The following LRRC8B variants were observed in gnomAD, a reference collection of about 807,000 sequenced individuals.
LRRC8B encodes volume-regulated anion channel subunit LRRC8B.
In LRRC8B, 23 loss-of-function variants were observed where a neutral mutation model predicts 58.8. The observed-to-expected ratio is 0.39, with a 90% CI of 0.28 to 0.55. LRRC8B has a LOEUF of 0.55. Among genes scored for constraint, LRRC8B ranks in the 20% least tolerant of loss-of-function variants. The pLI, the probability that LRRC8B is intolerant of heterozygous loss-of-function variation, is 0.62. For synonymous variants in LRRC8B, 359 were observed against 374.1 expected, an observed-to-expected ratio of 0.96 and a Z score of 0.47; for missense variants, 694 against 936.0, an observed-to-expected ratio of 0.74 and a Z score of 3.37.
At chr1:89,546,108 C>T (rs1174105413) in intron 1 of LRRC8B, among the ~76,000 whole-genome samples, 1 of 151,772 alleles carries the variant, frequency 6.6e-6, no homozygotes, top group Non-Finnish European at 1.5e-5. Flanking sequence ...GTTTTTTGAA[C>T]AATAGGTTAG....
intron 3 of LRRC8B, among the ~76,000 whole-genome samples, chr1:89,577,383 C>G (rs893296969): frequency 3.3e-5 from 5 of 152,080 alleles, no homozygotes; most frequent in African/African-American, 4.8e-5. Context: ...TTTGAAAAAG[C>G]TTTTATGACT....
At chr1:89,541,976 T>C (rs1483465137) in intron 1 of LRRC8B, among the ~76,000 whole-genome samples, 2 of 152,150 alleles carry the variant, frequency 1.3e-5, no homozygotes, top group Non-Finnish European at 2.9e-5. Context: ...ATTATATTAT[T>C]TAAATGACTA....
At chr1:89,553,124 A>T (rs1023670791) in intron 1 of LRRC8B, among the ~76,000 whole-genome samples, 10 of 152,222 alleles carry the variant, frequency 6.6e-5, no homozygotes, top group Non-Finnish European at 1.3e-4. Context: ...TAGTTCATGT[A>T]GTAATTTTTA....
At chr1:89,553,343 A>G (rs1651952871) in intron 1 of LRRC8B, among the ~76,000 whole-genome samples, 1 of 152,214 alleles carries the variant, frequency 6.6e-6, no homozygotes, top group Non-Finnish European at 1.5e-5. Flanking sequence ...GTTTGATTGC[A>G]TGGTGAGTGT....
At chr1:89,543,519 G>A (rs1486368320) in intron 1 of LRRC8B, among the ~76,000 whole-genome samples, 1 of 149,688 alleles carries the variant, frequency 6.7e-6, no homozygotes, top group African/African-American at 2.5e-5. Context: ...TTTTTAAGTT[G>A]GAGTCTTGCT....
chr1:89,564,630 T>C (rs1245329885), intron 1 of LRRC8B, among the ~76,000 whole-genome samples: 1 of 152,212 alleles, frequency 6.6e-6, no homozygotes. Context: ...CAGATAATTA[T>C]TGAGACTGTT....
At chr1:89,538,388 C>T (rs1460573040) in intron 1 of LRRC8B, among the ~76,000 whole-genome samples, 1 of 152,122 alleles carries the variant, frequency 6.6e-6, no homozygotes, top group Admixed American at 6.5e-5. Flanking sequence ...AAGGTCTGAA[C>T]CAGTAGACAG....
chr1:89,539,232 G>A (rs1650768976), intron 1 of LRRC8B, among the ~76,000 whole-genome samples: 1 of 152,058 alleles, frequency 6.6e-6, no homozygotes, highest in Non-Finnish European at 1.5e-5. Context: ...CCTAATCAGT[G>A]AAAGGCCCTT....
At position 89,583,893 on chromosome 1, in the gene LRRC8B, G is replaced by T. The variant is rs1654427211; in HGVS notation, c.1243G>T (p.Val415Leu). The T allele has an allele frequency of 6.2e-7, 1 of 1,614,074 alleles. No homozygotes were observed. Among genetic ancestry groups the T allele is most frequent in the South Asian group, 1.1e-5 (1 of 91,090 alleles). Residue 415 changes from valine (V) to leucine (L), a missense_variant, in exon 5 of 6, where the codon GTG (valine) becomes TTG (leucine). Physicochemically the swap from Val to Leu is conservative, Grantham distance 32. Transcript: ENST00000330947. The surrounding 1 kb of genome is among the most constrained non-coding windows in gnomAD (Gnocchi z 5.2). Reference sequence around the variant, plus strand: ...AGTTGAGAAACTGAAAAGTAAGCTTGTGAAAAATGCCCAGGACAAGATAGA... The same window carrying T: ...AGTTGAGAAACTGAAAAGTAAGCTTTTGAAAAATGCCCAGGACAAGATAGA... The part of the protein sequence containing the change: ...WTVEKLKSKL[V>L]KNAQDKIELH...
At chr1:89,581,726 A>C (rs1052763029) in intron 4 of LRRC8B, among the ~76,000 whole-genome samples, 4 of 152,210 alleles carry the variant, frequency 2.6e-5, no homozygotes, top group African/African-American at 9.6e-5. Flanking sequence ...TGCCATCACA[A>C]CATTAAACAT....
At chr1:89,570,220 C>A (rs1653354377) in intron 3 of LRRC8B, among the ~76,000 whole-genome samples, 1 of 152,014 alleles carries the variant, frequency 6.6e-6, no homozygotes, top group Non-Finnish European at 1.5e-5. Flanking sequence ...GATTTATATG[C>A]CTTTGGGTAT....
intron 3 of LRRC8B, among the ~76,000 whole-genome samples, chr1:89,575,141 G>A (rs1455007857): frequency 1.3e-5 from 2 of 152,174 alleles, no homozygotes; most frequent in Non-Finnish European, 2.9e-5. Context: ...TGGCCAGAGA[G>A]TAGACTGTGG....
At chr1:89,538,717 TTTTG>T (rs56350075) in intron 1 of LRRC8B, among the ~76,000 whole-genome samples, 7 of 151,806 alleles carry the variant, frequency 4.6e-5, no homozygotes, top group Admixed American at 6.6e-5. Context: ...CGAGGTTTTT[TTTTG>T]TTTGTTTGTT....
chr1:89,549,752 A>G (rs1055396679), intron 1 of LRRC8B, among the ~76,000 whole-genome samples: 1 of 152,208 alleles, frequency 6.6e-6, no homozygotes, highest in Non-Finnish European at 1.5e-5. Flanking sequence ...GGAAGGTATT[A>G]AATGAGTTCT....
intron 1 of LRRC8B, among the ~76,000 whole-genome samples, chr1:89,563,684 A>G (rs1652845780): frequency 6.6e-6 from 1 of 152,162 alleles, no homozygotes. Context: ...AGTTACTACT[A>G]TGTTAATAAA....
At chr1:89,559,627 T>C (rs200648643) in intron 1 of LRRC8B, among the ~76,000 whole-genome samples, 70 of 137,316 alleles carry the variant, frequency 5.1e-4, no homozygotes, top group East Asian at 2.4e-3. Flanking sequence ...TATATATATA[T>C]ATACACACAC....
At chr1:89,589,771 A>G (rs1364651955) in intron 5 of LRRC8B, among the ~76,000 whole-genome samples, 1 of 150,742 alleles carries the variant, frequency 6.6e-6, no homozygotes, top group African/African-American at 2.5e-5. Context: ...GTGGCCAGAA[A>G]AAAAAAAAAA....
intron 1 of LRRC8B, among the ~76,000 whole-genome samples, chr1:89,554,579 A>T (rs1652044948): frequency 6.6e-6 from 1 of 152,156 alleles, no homozygotes; most frequent in African/African-American, 2.4e-5. Context: ...ATGATTGTCG[A>T]GTACACCTAG....
At chr1:89,561,953 G>A (rs1184684074) in intron 1 of LRRC8B, among the ~76,000 whole-genome samples, 2 of 152,042 alleles carry the variant, frequency 1.3e-5, no homozygotes, top group East Asian at 1.9e-4. Flanking sequence ...TGCTTTAGGT[G>A]AGCAGTTCGA....
Sources: gnomAD v4.1 joint callset for allele counts (sites outside exome capture counted in the v4.1 genomes callset) on GRCh38, gnomAD v4.1.1 for gene constraint, Gnocchi (gnomAD v3.1) non-coding constraint, MANE v1.5 for transcripts, NCBI Gene and HGNC (gene_info 2026-07-23, HGNC 2026-07-21) for gene names.